ROBO2: variants seen among roughly 807,000 people sequenced by gnomAD.
ROBO2 encodes roundabout homolog 2.
In ROBO2, 53 loss-of-function variants were observed where a neutral mutation model predicts 160.8. The observed-to-expected ratio is 0.33, with a 90% confidence interval of 0.26 to 0.41. ROBO2 has a LOEUF of 0.41. ROBO2 is among the 10% of genes least tolerant of loss of function. The pLI is 1.00. For synonymous variants in ROBO2, 664 were observed against 611.7 expected (o/e 1.09, Z -1.26); for missense variants, 1,577 against 1,722.4 (o/e 0.92, Z 1.49).
chr3:76,714,352 C>T (rs574405510), intron 2 of ROBO2, among the ~76,000 whole-genome samples: 1 of 152,140 alleles, frequency 6.6e-6, no homozygotes, highest in South Asian at 2.1e-4. Flanking sequence ...ACAGCTCAGG[C>T]GTGGACGGGT....
intron 2 of ROBO2, among the ~76,000 whole-genome samples, chr3:77,457,490 A>G (rs1039249960): frequency 1.3e-5 from 2 of 152,144 alleles, no homozygotes; most frequent in Non-Finnish European, 2.9e-5. Flanking sequence ...TTTTTGTGTT[A>G]AAATGCCTAT....
In ROBO2 at chr3:77,588,816, G is replaced by C. The variant is rs201250546; in HGVS notation, c.2566G>C (p.Val856Leu). The C allele has an allele frequency of 3.0e-5, 48 of 1,613,490 alleles. No homozygotes were observed. The highest frequency in any genetic ancestry group is 3.8e-5 in the Non-Finnish European group (45 of 1,179,668). Residue 856 changes from valine (V) to leucine (L), a missense_variant, in exon 17 of 26, where the codon GTG (valine) becomes CTG (leucine). Physicochemically the swap from Val to Leu is conservative, Grantham distance 32. Coordinates refer to ENST00000461745, the Ensembl canonical transcript of ROBO2. ...CATAACTGAGCAAATCACTGATGTG[G>C]TGAAGCAACCAGCCTTTATAGCTGG...
chr3:76,620,405 A>G (rs2088970715), intron 2 of ROBO2, among the ~76,000 whole-genome samples: 1 of 152,180 alleles, frequency 6.6e-6, no homozygotes, highest in Admixed American at 6.5e-5. Context: ...CGTAAATAAA[A>G]GGTTTATCGT....
At chr3:77,209,809 C>G (rs1304282265) in intron 2 of ROBO2, among the ~76,000 whole-genome samples, 1 of 152,120 alleles carries the variant, frequency 6.6e-6, no homozygotes, top group African/African-American at 2.4e-5. Flanking sequence ...ATTAGGATAA[C>G]TTTTAAATAC....
intron 2 of ROBO2, among the ~76,000 whole-genome samples, chr3:76,705,901 A>G (rs2093151503): frequency 6.6e-6 from 1 of 152,148 alleles, no homozygotes. Flanking sequence ...GCGGGTGAAC[A>G]GCACAAATTT....
At chr3:77,039,587 G>C (rs923550113), upstream of ROBO2, among the ~76,000 whole-genome samples, 1 of 152,114 alleles carries the variant, frequency 6.6e-6, no homozygotes, top group Non-Finnish European at 1.5e-5. Context: ...GGAGTCGCCC[G>C]GTGGCCTCGG....
chr3:76,343,239 A>G (rs1374369253), intron 2 of ROBO2, among the ~76,000 whole-genome samples: 1 of 152,094 alleles, frequency 6.6e-6, no homozygotes, highest in Non-Finnish European at 1.5e-5. Context: ...CTCTCTATCC[A>G]AGAAGAACCA....
At chr3:76,800,942 T>C (rs539016421) in intron 2 of ROBO2, among the ~76,000 whole-genome samples, 77 of 152,370 alleles carry the variant, frequency 5.1e-4, no homozygotes, top group African/African-American at 1.8e-3. Flanking sequence ...AAGAGATATC[T>C]GAACTCCCAT....
At chr3:77,364,184 G>A (rs952560583) in intron 2 of ROBO2, among the ~76,000 whole-genome samples, 1 of 152,022 alleles carries the variant, frequency 6.6e-6, no homozygotes, top group African/African-American at 2.4e-5. Flanking sequence ...CCTGCTATAT[G>A]TCTTATTTTC....
chr3:76,587,295 T>C (rs980738847), intron 2 of ROBO2, among the ~76,000 whole-genome samples: 1 of 152,062 alleles, frequency 6.6e-6, no homozygotes, highest in Admixed American at 6.6e-5. Flanking sequence ...CCGGTGTATC[T>C]ATAATATATG....
chr3:77,574,844 A>C, intron 14 of ROBO2, 114 bp downstream of exon 15: 1 of 795,174 alleles, frequency 1.3e-6, no homozygotes, highest in Admixed American at 2.2e-5. Context: ...AAGTAAATTG[A>C]GGAAGTGTCG....
chr3:76,881,982 T>C (rs1212398670), intron 2 of ROBO2, among the ~76,000 whole-genome samples: 1 of 150,756 alleles, frequency 6.6e-6, no homozygotes, highest in African/African-American at 2.4e-5. Flanking sequence ...GTTGGTTTTG[T>C]GTGTGTGTGT....
chr3:77,607,608 A>G (rs2094549763), intron 20 of ROBO2, among the ~76,000 whole-genome samples, 190 bp from the exon 22 acceptor site: 1 of 152,104 alleles, frequency 6.6e-6, no homozygotes, highest in African/African-American at 2.4e-5. Flanking sequence ...GCACTGGGGA[A>G]AAAAAAACAG....
rs372161410 is a variant in ROBO2, at chr3:76,728,100, CAG to C, written c.110-369912_110-369911del. Among the ~76,000 whole-genome samples, 56 of 151,398 alleles carry C rather than the reference CAG, an allele frequency of 3.7e-4. No homozygotes were observed. In the South Asian group the frequency reaches 0.011, roughly 31 times the overall value. On this transcript the variant is annotated intron_variant, in intron 2 of 26. Transcript: ENST00000487694. ...AGGACAAGTAACCTATTGCTGAAGA[CAG>C]ACATTACAAAAAATATTCCTAGTTG...
intron 13 of ROBO2, among the ~76,000 whole-genome samples, chr3:77,571,918 C>T (rs1219944566): frequency 2.0e-5 from 3 of 150,704 alleles, no homozygotes; most frequent in Admixed American, 1.3e-4. Flanking sequence ...AAAAAAAATG[C>T]ATTGCCACTG....
At chr3:77,337,608 T>C (rs957469890) in intron 2 of ROBO2, among the ~76,000 whole-genome samples, 2 of 152,176 alleles carry the variant, frequency 1.3e-5, no homozygotes, top group African/African-American at 4.8e-5. Flanking sequence ...CTTTATTTTA[T>C]TTGAACCTAA....
At position 77,209,324 on chromosome 3, in the gene ROBO2, C is replaced by T. The variant is rs971381932; in HGVS notation, c.388+110984C>T. On this transcript the variant is annotated intron_variant, in intron 2 of 25. Transcript: ENST00000461745. The stretch of plus-strand genomic sequence containing the variant: ...GCTGATTATCAAAATATTTATATTA[C>T]AAAAAGGTTAATGGATTAGTGTCAC... Among the ~76,000 whole-genome samples, 29 of 152,102 alleles carry T rather than the reference C, an allele frequency of 1.9e-4. 1 individual carries two copies. Among genetic ancestry groups the T allele is most frequent in the African/African-American group, 6.3e-4 (26 of 41,512 alleles).
At chr3:76,402,929 G>A (rs1397222538) in intron 2 of ROBO2, among the ~76,000 whole-genome samples, 1 of 151,494 alleles carries the variant, frequency 6.6e-6, no homozygotes, top group African/African-American at 2.4e-5. Flanking sequence ...CTCTTACTAT[G>A]TATGACAACA....
chr3:76,843,483 G>A (rs910252872), intron 2 of ROBO2, among the ~76,000 whole-genome samples: 1 of 151,952 alleles, frequency 6.6e-6, no homozygotes, highest in Non-Finnish European at 1.5e-5. Flanking sequence ...ATTTTCCTGA[G>A]CTCAGTTTTC....
Sources: gnomAD v4.1 joint callset for allele counts (sites outside exome capture counted in the v4.1 genomes callset) on GRCh38, gnomAD v4.1.1 for gene constraint, MANE v1.5 for transcripts, NCBI Gene and HGNC (gene_info 2026-07-23, HGNC 2026-07-21) for gene names.